SNX29: variants seen among roughly 807,000 people sequenced by gnomAD.
The protein encoded by SNX29 is sorting nexin-29.
SNX29 carries 78 observed loss-of-function variants against 102.1 expected under a neutral mutation model. The ratio of observed to expected loss-of-function variants is 0.76; its 90% CI spans 0.64 to 0.92. The LOEUF (loss-of-function observed/expected upper bound fraction) is 0.92, where lower values mean the gene tolerates loss of function less well. Ranked by LOEUF, SNX29 falls within the 40% of genes least tolerant of loss-of-function variation. The pLI, the probability that SNX29 is intolerant of heterozygous loss-of-function variation, is 0.00. For synonymous variants in SNX29, 580 were observed against 414.5 expected, an observed-to-expected ratio of 1.40 and a Z score of -4.85; for missense variants, 1,280 against 1,061.7, an observed-to-expected ratio of 1.21 and a Z score of -2.86.
At chr16:12,007,338 C>T (rs1161174940) in intron 3 of SNX29, among the ~76,000 whole-genome samples, 3 of 152,172 alleles carry the variant, frequency 2.0e-5, no homozygotes, top group Non-Finnish European at 4.4e-5. Flanking sequence ...AACCCCGTCT[C>T]TACTAAAAAT....
At chr16:12,538,911 G>C (rs1036886502) in intron 20 of SNX29, among the ~76,000 whole-genome samples, 1 of 151,770 alleles carries the variant, frequency 6.6e-6, no homozygotes, top group East Asian at 1.9e-4. Context: ...CCTGTTCTAA[G>C]TGGGAGAAAG....
intron 13 of SNX29, among the ~76,000 whole-genome samples, chr16:12,157,196 C>T (rs955214802): frequency 6.6e-6 from 1 of 152,152 alleles, no homozygotes; most frequent in East Asian, 1.9e-4. Context: ...CCAACATCCA[C>T]CCCCCATAGG....
chr16:12,248,602 G>C (rs963635951), intron 14 of SNX29, among the ~76,000 whole-genome samples: 4 of 151,846 alleles, frequency 2.6e-5, no homozygotes, highest in Admixed American at 2.6e-4. Context: ...TTTTAGTGGC[G>C]AGGGGGTCTC....
rs74012619 is a variant in SNX29 at position 12,468,561 on chromosome 16, C to G, written c.2038-9158C>G. ...CCCCTGGCAGAACCAGGCCCCCTCC[C>G]GCAGCCCTCATCTCCCTTTGAAAGC... On this transcript the variant is annotated intron_variant, in intron 18 of 20. Coordinates refer to ENST00000566228, the MANE Select transcript of SNX29 (RefSeq NM_032167.5). 4.8e-3 allele frequency among the ~76,000 whole-genome samples: 728 copies of G among 152,172 alleles called. 9 individuals are homozygous for G. Among genetic ancestry groups the G allele is most frequent in the African/African-American group, 0.017 (705 of 41,580 alleles).
intron 18 of SNX29, among the ~76,000 whole-genome samples, chr16:12,440,707 C>T (rs1050466912): frequency 5.3e-5 from 8 of 150,264 alleles, no homozygotes; most frequent in Non-Finnish European, 1.0e-4. Context: ...TTTTCTGTTT[C>T]TGTGTTAGTT....
At chr16:12,051,556 A>G (rs1567566581) in intron 7 of SNX29, among the ~76,000 whole-genome samples, 1 of 152,294 alleles carries the variant, frequency 6.6e-6, no homozygotes, top group South Asian at 2.1e-4. Flanking sequence ...AGCATTGAAG[A>G]TCATTTTGGT....
intron 15 of SNX29, among the ~76,000 whole-genome samples, chr16:12,315,372 C>T (rs184982169): frequency 6.6e-6 from 1 of 152,294 alleles, no homozygotes; most frequent in East Asian, 1.9e-4. Flanking sequence ...GCTTCCAGCC[C>T]TCAACTTGGC....
intron 15 of SNX29, among the ~76,000 whole-genome samples, chr16:12,296,400 T>TC (rs1183186986): frequency 7.6e-6 from 1 of 132,294 alleles, no homozygotes; most frequent in Non-Finnish European, 1.5e-5. Context: ...TTTCCTACAA[T>TC]TTTTTTGACA....
intron 13 of SNX29, among the ~76,000 whole-genome samples, chr16:12,162,502 G>A (rs544365118): frequency 6.6e-6 from 1 of 152,338 alleles, no homozygotes; most frequent in South Asian, 2.1e-4. Flanking sequence ...CAAGAAAGCT[G>A]CCAGAGACAT....
At chr16:12,013,498 A>ATATATAT (rs1555518776) in intron 3 of SNX29, among the ~76,000 whole-genome samples, 2 of 33,506 alleles carry the variant, frequency 6.0e-5, no homozygotes, top group East Asian at 2.8e-3. Context: ...GAAAAAAAAA[A>ATATATAT]AAATATATAT....
rs767257136 is a variant in SNX29 at position 12,527,826 on chromosome 16, C to CTT, written c.2318+3000_2318+3001dup. Among the ~76,000 whole-genome samples the CTT allele has an allele frequency of 6.7e-3, 922 of 138,382 alleles. 12 individuals carry two copies. Among genetic ancestry groups the CTT allele is most frequent in the African/African-American group, 0.023 (864 of 37,672 alleles). The allele number at this position is 138,382 out of a possible 152,430, so 90.8% of individuals were successfully genotyped here. On this transcript the variant is annotated intron_variant, in intron 20 of 20. Coordinates refer to ENST00000566228, the MANE Select transcript of SNX29 (RefSeq NM_032167.5). The stretch of plus-strand genomic sequence containing the variant: ...TTTGTTATTTATTTTTCTTCTTCTT[C>CTT]TTTTTTTTTTTTTTTTGAGATGAAG...
chr16:12,024,169 G>C lies in SNX29; in HGVS notation c.123-3151G>C, dbSNP rs113809390. Among the ~76,000 whole-genome samples, 849 of 149,300 alleles carry C rather than the reference G, an allele frequency of 5.7e-3. 16 individuals carry two copies. Among genetic ancestry groups the C allele is most frequent in the African/African-American group, 0.019 (784 of 40,494 alleles). On this transcript the variant is annotated intron_variant, in intron 3 of 20. Coordinates refer to ENST00000566228, the MANE Select transcript of SNX29 (RefSeq NM_032167.5). ...TTTTTTTCTTTTGAGACTGAGTTTCGCTCTTGTTGCCCAGGCAGGAATATA... is the reference window on the plus strand; with the variant it reads ...TTTTTTTCTTTTGAGACTGAGTTTCCCTCTTGTTGCCCAGGCAGGAATATA...
intron 16 of SNX29, among the ~76,000 whole-genome samples, chr16:12,381,053 CCATCCATCT>C (rs2083104461): frequency 4.0e-5 from 3 of 75,232 alleles, no homozygotes; most frequent in Non-Finnish European, 5.4e-5. Context: ...CACCCACCTA[CCATCCATCT>C]ACCCACCTAC....
chr16:12,439,909 C>G (rs548193103), intron 18 of SNX29, among the ~76,000 whole-genome samples: 1 of 152,318 alleles, frequency 6.6e-6, no homozygotes, highest in Admixed American at 6.5e-5. Flanking sequence ...TCCTGGCTCT[C>G]CCTGAGTATC....
At chr16:12,462,290 C>A (rs751153752) in intron 18 of SNX29, among the ~76,000 whole-genome samples, 73 of 151,838 alleles carry the variant, frequency 4.8e-4, no homozygotes, top group Non-Finnish European at 8.5e-4. Context: ...TAGAGACGTG[C>A]CTTTCATTTT....
At chr16:12,568,032 C>T (rs751258953) in intron 20 of SNX29, among the ~76,000 whole-genome samples, 3 of 152,138 alleles carry the variant, frequency 2.0e-5, no homozygotes, top group East Asian at 1.9e-4. Flanking sequence ...TTTAACTAGC[C>T]CCTAGCCTAG....
intron 15 of SNX29, among the ~76,000 whole-genome samples, chr16:12,286,097 C>T (rs970325397): frequency 3.3e-5 from 5 of 151,950 alleles, no homozygotes; most frequent in African/African-American, 1.2e-4. Context: ...CCCACCTCGG[C>T]CTCCCAAAGT....
At chr16:12,464,281 G>C (rs1193160878) in intron 18 of SNX29, among the ~76,000 whole-genome samples, 4 of 150,938 alleles carry the variant, frequency 2.7e-5, no homozygotes, top group Non-Finnish European at 5.9e-5. Context: ...GTTTATGTGT[G>C]TGTATATAAA....
At chr16:12,553,652 G>A (rs1021392178) in intron 20 of SNX29, among the ~76,000 whole-genome samples, 6 of 144,832 alleles carry the variant, frequency 4.1e-5, no homozygotes, top group African/African-American at 7.7e-5. Context: ...GTGCAATGAC[G>A]TGATCTTGGC....
Sources: allele counts gnomAD v4.1 joint callset (sites outside exome capture counted in the v4.1 genomes callset), GRCh38; gene constraint gnomAD v4.1.1; transcripts MANE v1.5; gene names NCBI Gene and HGNC (gene_info 2026-07-23, HGNC 2026-07-21).